COPG2: variants seen among roughly 807,000 people sequenced by gnomAD.
COPG2 encodes the protein coat protein complex I subunit gamma 2, also known as coatomer subunit gamma-2.
A neutral mutation model predicts 46.3 loss-of-function variants in COPG2; 37 were observed. The ratio of observed to expected loss-of-function variants is 0.80; its 90% confidence interval spans 0.61 to 1.05. The LOEUF (loss-of-function observed/expected upper bound fraction) is 1.05. COPG2 is among the 50% of genes least tolerant of loss of function. The pLI, the probability that COPG2 is intolerant of heterozygous loss-of-function variation, is 0.00. For missense variants in COPG2, 427 were observed against 387.8 expected, an observed-to-expected ratio of 1.10 and a Z score of -0.85; for synonymous variants, 159 against 129.7, an observed-to-expected ratio of 1.23 and a Z score of -1.53.
chr7:130,608,033 C>T (rs1005706006), intron 9 of COPG2: 7 of 338,440 alleles, frequency 2.1e-5, no homozygotes, highest in Non-Finnish European at 3.5e-5. Flanking sequence ...CCAAGCTACA[C>T]CATTATTGGA....
At chr7:130,525,630 G>C (rs1320669170) in intron 20 of COPG2, among the ~76,000 whole-genome samples, 1 of 152,168 alleles carries the variant, frequency 6.6e-6, no homozygotes, top group Non-Finnish European at 1.5e-5. Context: ...AGGCTAAAAG[G>C]ATAGAGATAT....
intron 12 of COPG2, among the ~76,000 whole-genome samples, chr7:130,557,889 G>A (rs888918039): frequency 1.4e-5 from 2 of 146,142 alleles, no homozygotes; most frequent in Admixed American, 6.8e-5. Context: ...TATGATGGAG[G>A]GCTAAGCATC....
chr7:130,667,673 A>C (rs1317683249), intron 1 of COPG2, 139 bp from the exon 2 acceptor site: 1 of 544,204 alleles, frequency 1.8e-6, no homozygotes, highest in Non-Finnish European at 3.2e-6. Context: ...TACGCATACG[A>C]ACTGAATGAA....
chr7:130,547,623 C>G (rs1272742203), intron 20 of COPG2, 51 bp downstream of exon 20: 15 of 398,408 alleles, frequency 3.8e-5, no homozygotes, highest in African/African-American at 3.1e-4. Flanking sequence ...GAAGAGCTCA[C>G]AAGGAAATGC....
At chr7:130,509,164 C>T in intron 20 of COPG2, 1 of 445,294 alleles carries the variant, frequency 2.2e-6, no homozygotes, top group Non-Finnish European at 4.5e-6. Flanking sequence ...CCAGAGAGAA[C>T]TTGCTTTATC....
chr7:130,604,577 G>C (rs1554450929), intron 9 of COPG2: 2 of 276,808 alleles, frequency 7.2e-6, no homozygotes, highest in South Asian at 3.9e-5. Flanking sequence ...ATAATGTACA[G>C]TTTATTTTGC....
chr7:130,530,658 G>T (rs1227139271), intron 20 of COPG2, among the ~76,000 whole-genome samples: 3 of 152,094 alleles, frequency 2.0e-5, no homozygotes, highest in Admixed American at 2.0e-4. Flanking sequence ...CCTTCCCCTG[G>T]CCAAGGAAGC....
chr7:130,507,016 A>C (rs1379944858), intron 23 of COPG2, among the ~76,000 whole-genome samples: 1 of 152,234 alleles, frequency 6.6e-6, no homozygotes, highest in Non-Finnish European at 1.5e-5. Context: ...GTATTCAAAA[A>C]TACCAATTTG....
At chr7:130,571,190 T>C (rs985631895) in intron 9 of COPG2, among the ~76,000 whole-genome samples, 5 of 152,044 alleles carry the variant, frequency 3.3e-5, no homozygotes, top group African/African-American at 9.7e-5. Flanking sequence ...CAAAGATAAA[T>C]AGATGGGACT....
intron 20 of COPG2, among the ~76,000 whole-genome samples, chr7:130,540,054 G>T (rs1401069788): frequency 1.3e-5 from 2 of 151,820 alleles, no homozygotes; most frequent in Non-Finnish European, 2.9e-5. Context: ...AAGGGGATGG[G>T]GTTTGGGATG....
At chr7:130,590,284 C>T (rs1198182336) in intron 9 of COPG2, among the ~76,000 whole-genome samples, 11 of 152,136 alleles carry the variant, frequency 7.2e-5, no homozygotes, top group Non-Finnish European at 1.3e-4. Context: ...CCTCTCTTTC[C>T]ACGGTCTCCC....
intron 20 of COPG2, among the ~76,000 whole-genome samples, chr7:130,536,976 A>AAGGAGGAGGG (rs1563038771): frequency 6.6e-6 from 1 of 151,066 alleles, no homozygotes; most frequent in Non-Finnish European, 1.5e-5. Flanking sequence ...CATGGGCCTT[A>AAGGAGGAGGG]AGGAGGAGGG....
chr7:130,632,220 T>A (rs560167093), intron 5 of COPG2, among the ~76,000 whole-genome samples: 1 of 152,340 alleles, frequency 6.6e-6, no homozygotes, highest in African/African-American at 2.4e-5. Context: ...CTGGAAGATA[T>A]TTTCAGTGGA....
chr7:130,603,069 G>A (rs537136017), intron 9 of COPG2, among the ~76,000 whole-genome samples: 89 of 152,140 alleles, frequency 5.8e-4, no homozygotes, highest in Admixed American at 1.0e-3. Flanking sequence ...CCAAACCCCT[G>A]ACCTGCAAAA....
intron 5 of COPG2, among the ~76,000 whole-genome samples, chr7:130,633,446 A>G (rs1261595075): frequency 2.0e-5 from 3 of 152,312 alleles, no homozygotes; most frequent in Non-Finnish European, 4.4e-5. Context: ...TCTAAGTGGC[A>G]TGAGATGGTA....
chr7:130,514,908 G>GT (rs1799666320), intron 20 of COPG2, among the ~76,000 whole-genome samples: 3 of 152,196 alleles, frequency 2.0e-5, no homozygotes, highest in Admixed American at 6.5e-5. Flanking sequence ...TTCAGTGGGT[G>GT]TAAGGCCAGA....
At chr7:130,627,626 C>T (rs894134322) in intron 5 of COPG2, among the ~76,000 whole-genome samples, 1 of 152,086 alleles carries the variant, frequency 6.6e-6, no homozygotes, top group African/African-American at 2.4e-5. Flanking sequence ...TTCATGACAC[C>T]AGCCCCAGAT....
At position 130,619,916 on chromosome 7, in the gene COPG2, T is replaced by C. The variant is rs113828727; in HGVS notation, c.324-2851A>G. On this transcript the variant is annotated intron_variant, in intron 5 of 23. Coordinates refer to ENST00000425248, the MANE Select transcript of COPG2 (RefSeq NM_012133.6). ...TGCCATGAATGGCTGAAGTCGGACTTAGTTTTTCTCACTTTTAAATGACTA... is the reference window on the plus strand; with the variant it reads ...TGCCATGAATGGCTGAAGTCGGACTCAGTTTTTCTCACTTTTAAATGACTA... 6.9e-3 allele frequency among the ~76,000 whole-genome samples: 1,046 copies of C among 152,320 alleles called. 12 individuals are homozygous for C. Among genetic ancestry groups the C allele is most frequent in the African/African-American group, 0.024 (992 of 41,582 alleles).
Position 130,562,059 on chromosome 7 carries a change from C to T in COPG2, c.940-838G>A, listed in dbSNP as rs992050860. On this transcript the variant is annotated intron_variant, in intron 11 of 23. Coordinates refer to ENST00000425248, the MANE Select transcript of COPG2 (RefSeq NM_012133.6). ...ATGAGGGATTGTAGACCTGTATCAA[C>T]TCTTTAAAAACAATTTAGGCCAGGC... 1.3e-5 allele frequency among the ~76,000 whole-genome samples: 2 copies of T among 152,134 alleles called. 1 individual carries two copies. The highest frequency in any genetic ancestry group is 4.1e-4 in the South Asian group (2 of 4,826).
Sources: allele counts gnomAD v4.1 joint callset (sites outside exome capture counted in the v4.1 genomes callset), GRCh38; gene constraint gnomAD v4.1.1; transcripts MANE v1.5; gene names NCBI Gene and HGNC (gene_info 2026-07-23, HGNC 2026-07-21).